The following PRKG1 variants were observed in gnomAD, a reference collection of about 807,000 sequenced individuals.
PRKG1 encodes the protein cGMP-dependent protein kinase 1.
PRKG1 carries 35 observed loss-of-function variants against 88.1 expected under a neutral mutation model. That is an observed-to-expected ratio of 0.40 (90% CI 0.30 to 0.53). PRKG1 has a LOEUF of 0.53. PRKG1 is among the 20% of genes least tolerant of loss of function. PRKG1 has a pLI of 0.59. For missense variants in PRKG1, 540 were observed against 839.8 expected (o/e 0.64, Z 4.41); for synonymous variants, 303 against 292.5 (o/e 1.04, Z -0.37).
chr10:52,188,912 A>C (rs907337472), intron 9 of PRKG1, among the ~76,000 whole-genome samples: 1 of 152,222 alleles, frequency 6.6e-6, no homozygotes, highest in Admixed American at 6.5e-5. Context: ...AAGAAATTCC[A>C]ATATGTCAGA....
At chr10:51,485,274 A>G (rs1252691347) in intron 3 of PRKG1, among the ~76,000 whole-genome samples, 1 of 152,194 alleles carries the variant, frequency 6.6e-6, no homozygotes, top group Non-Finnish European at 1.5e-5. Flanking sequence ...ATCTGAATCA[A>G]TTCCTTTGGA....
intron 4 of PRKG1, among the ~76,000 whole-genome samples, chr10:51,869,057 A>G (rs960490866): frequency 5.3e-5 from 8 of 152,094 alleles, no homozygotes; most frequent in Non-Finnish European, 1.2e-4. Flanking sequence ...TTACGGACTG[A>G]TTGTTTTCAA....
At chr10:51,286,660 C>A (rs1329621338) in intron 2 of PRKG1, among the ~76,000 whole-genome samples, 2 of 152,138 alleles carry the variant, frequency 1.3e-5, no homozygotes, top group African/African-American at 2.4e-5. Flanking sequence ...TTAGTATATT[C>A]ATCATTTCAA....
At chr10:51,554,256 A>G (rs1040622692) in intron 3 of PRKG1, among the ~76,000 whole-genome samples, 10 of 147,084 alleles carry the variant, frequency 6.8e-5, no homozygotes, top group Admixed American at 5.5e-4. Context: ...TATTATACAT[A>G]TATCTTAGGT....
intron 1 of PRKG1, among the ~76,000 whole-genome samples, chr10:51,131,995 T>G (rs1845577963): frequency 6.6e-6 from 1 of 152,162 alleles, no homozygotes; most frequent in African/African-American, 2.4e-5. Context: ...TAAATAGATT[T>G]TTTTACAAAG....
In PRKG1 at chr10:51,650,434, T is replaced by A. The variant is rs190208837; in HGVS notation, c.593-154151T>A. On this transcript the variant is annotated intron_variant, in intron 3 of 17. Coordinates refer to ENST00000373980, the MANE Select transcript of PRKG1 (RefSeq NM_006258.4). ...CTTTTCATGTGAGTTAGAGAAAAAATTTTCTTGTATAACCGTTGACAAAAT... is the reference window on the plus strand; with the variant it reads ...CTTTTCATGTGAGTTAGAGAAAAAAATTTCTTGTATAACCGTTGACAAAAT... Among the ~76,000 whole-genome samples the A allele has an allele frequency of 1.3e-3, 198 of 152,268 alleles. 2 individuals carry two copies. In the Middle Eastern group the frequency reaches 0.041, roughly 31 times the overall value.
At chr10:51,929,453 C>T (rs1239922060) in intron 5 of PRKG1, among the ~76,000 whole-genome samples, 1 of 150,000 alleles carries the variant, frequency 6.7e-6, no homozygotes, top group African/African-American at 2.5e-5. Flanking sequence ...CGGATTCAAG[C>T]GATTCTCCCA....
chr10:51,913,502 A>G (rs1842270574), intron 5 of PRKG1, among the ~76,000 whole-genome samples: 1 of 152,176 alleles, frequency 6.6e-6, no homozygotes, highest in African/African-American at 2.4e-5. Context: ...TTTATATAAC[A>G]TACTAGAACA....
intron 4 of PRKG1, among the ~76,000 whole-genome samples, chr10:51,835,977 GA>G (rs1412597996): frequency 3.9e-5 from 6 of 152,118 alleles, no homozygotes. Flanking sequence ...ATTTCTCTGT[GA>G]TTAGAGATGT....
rs375970265 is a variant in PRKG1 at position 51,854,347 on chromosome 10, C to T, written c.698+49657C>T. Among the ~76,000 whole-genome samples the T allele has an allele frequency of 1.5e-4, 23 of 152,142 alleles. No individual in the cohort carries two copies. The South Asian group carries it at 3.5e-3, about 23-fold the overall frequency. ...ATCAGATAAGAACATCTGATTACAT[C>T]GATATCTCTGTGCAGTGTTTGGGGA... On this transcript the variant is annotated intron_variant, in intron 4 of 17. Coordinates refer to ENST00000373980, the MANE Select transcript of PRKG1 (RefSeq NM_006258.4).
chr10:51,441,113 A>G (rs1176087376), intron 2 of PRKG1, among the ~76,000 whole-genome samples: 2 of 151,894 alleles, frequency 1.3e-5, no homozygotes, highest in East Asian at 3.9e-4. Context: ...CTGTAAGTGC[A>G]CTTTCACTTG....
At chr10:52,121,631 T>G (rs1376700691) in intron 7 of PRKG1, among the ~76,000 whole-genome samples, 2 of 152,222 alleles carry the variant, frequency 1.3e-5, no homozygotes, top group African/African-American at 4.8e-5. Context: ...GGCGTGGACA[T>G]AATTCAGCCA....
intron 3 of PRKG1, among the ~76,000 whole-genome samples, chr10:51,484,739 T>A (rs1564518139): frequency 1.3e-5 from 2 of 152,198 alleles, no homozygotes; most frequent in Non-Finnish European, 2.9e-5. Flanking sequence ...TGTAAACATG[T>A]TCTTTAATTT....
At chr10:51,199,607 T>G (rs1272857958) in intron 2 of PRKG1, among the ~76,000 whole-genome samples, 1 of 152,144 alleles carries the variant, frequency 6.6e-6, no homozygotes, top group Non-Finnish European at 1.5e-5. Flanking sequence ...AAAGTGGGAT[T>G]CAGGCTATTA....
chr10:51,836,871 G>T (rs74132452), intron 4 of PRKG1, among the ~76,000 whole-genome samples: 1,955 of 152,232 alleles, frequency 0.013, 52 homozygotes, highest in African/African-American at 0.045. Context: ...GTGTTGAAAG[G>T]GTGCACGGAG....
At chr10:51,045,615 G>A (rs560771462) in intron 1 of PRKG1, among the ~76,000 whole-genome samples, 81 of 152,200 alleles carry the variant, frequency 5.3e-4, no homozygotes, top group African/African-American at 1.8e-3. Flanking sequence ...CCATTGCAAA[G>A]GAACTATTTT....
chr10:51,941,946 T>A (rs1341941625), intron 5 of PRKG1, among the ~76,000 whole-genome samples: 2 of 152,088 alleles, frequency 1.3e-5, no homozygotes, highest in Non-Finnish European at 2.9e-5. Context: ...GCGTGATTTA[T>A]AGTCCTTTGG....
chr10:51,223,713 C>G (rs1259721851), intron 2 of PRKG1, among the ~76,000 whole-genome samples: 1 of 152,040 alleles, frequency 6.6e-6, no homozygotes, highest in Non-Finnish European at 1.5e-5. Flanking sequence ...ATTATAAAAA[C>G]AATTCTTCGA....
At chr10:52,181,555 G>T (rs941075243) in intron 9 of PRKG1, among the ~76,000 whole-genome samples, 2 of 118,564 alleles carry the variant, frequency 1.7e-5, no homozygotes, top group African/African-American at 6.5e-5. Flanking sequence ...CTAGCATTAG[G>T]TATATCTCCC....
Sources: gnomAD v4.1 joint callset for allele counts (sites outside exome capture counted in the v4.1 genomes callset) on GRCh38, gnomAD v4.1.1 for gene constraint, MANE v1.5 for transcripts, NCBI Gene and HGNC (gene_info 2026-07-23, HGNC 2026-07-21) for gene names.